ITGA3: variants seen among roughly 807,000 people sequenced by gnomAD.
The protein encoded by ITGA3 is integrin alpha-3.
In ITGA3, 70 loss-of-function variants were observed where a neutral mutation model predicts 131.1. That is an observed-to-expected ratio of 0.53 (90% CI 0.44 to 0.65). The LOEUF (loss-of-function observed/expected upper bound fraction) is 0.65. Among genes scored for constraint, ITGA3 ranks in the 30% least tolerant of loss-of-function variants. The pLI is 0.00. For missense variants in ITGA3, 1,098 were observed against 1,388.6 expected (o/e 0.79, Z 3.33); for synonymous variants, 537 against 571.6 (o/e 0.94, Z 0.86).
Position 50,074,290 on chromosome 17 carries a change from G to A in ITGA3, c.1382+10G>A. ...ACATTGTGCTGCTGCGGTGAGCCAG[G>A]AGGCCAGTGAATAAGGGTCTTTCTC... On this transcript the variant is annotated intron_variant, in intron 9 of 25. Transcript: ENST00000320031. 11 of 1,613,770 alleles carry A rather than the reference G, an allele frequency of 6.8e-6. No individual in the cohort carries two copies. The highest frequency in any genetic ancestry group is 9.3e-6 in the Non-Finnish European group (11 of 1,179,798).
At chr17:50,082,250 A>G (rs1259132964) in intron 23 of ITGA3, among the ~76,000 whole-genome samples, 1 of 152,044 alleles carries the variant, frequency 6.6e-6, no homozygotes, top group Non-Finnish European at 1.5e-5. Flanking sequence ...CAGTGGCGTG[A>G]TCACTGCAAG....
intron 1 of ITGA3, among the ~76,000 whole-genome samples, chr17:50,059,031 C>G (rs146140708): frequency 3.9e-4 from 60 of 152,294 alleles, no homozygotes; most frequent in African/African-American, 1.4e-3. Context: ...CATAAGGCCT[C>G]AGAAATGGTT....
At chr17:50,083,463 C>T (rs568771648) in intron 23 of ITGA3, among the ~76,000 whole-genome samples, 1 of 152,130 alleles carries the variant, frequency 6.6e-6, no homozygotes, top group Non-Finnish European at 1.5e-5. Flanking sequence ...GTGGCTCACA[C>T]TTGTAATCCC....
rs545444575 is a variant in ITGA3, at chr17:50,087,736, C to A, written c.2920-8C>A. ...ACACAGGGCTGAGTCCTCCTCTCCC[C>A]GCTCCAGTTCTCTGTGGACATTGAC... On this transcript the variant is annotated splice_region_variant and splice_polypyrimidine_tract_variant and intron_variant, in intron 23 of 25. Transcript: ENST00000320031. 1.9e-6 allele frequency: 3 copies of A among 1,610,972 alleles called. No individual in the cohort carries two copies. Among genetic ancestry groups the A allele is most frequent in the Non-Finnish European group, 2.5e-6 (3 of 1,178,444 alleles).
At chr17:50,076,099 G>C (rs1908877191) in intron 12 of ITGA3, among the ~76,000 whole-genome samples, 1 of 152,064 alleles carries the variant, frequency 6.6e-6, no homozygotes, top group Non-Finnish European at 1.5e-5. Flanking sequence ...CTGTGGATGG[G>C]GAGGTGAAGG....
In ITGA3 at chr17:50,077,268, G is replaced by A. The variant is rs1172093099; in HGVS notation, c.2071-111G>A. On this transcript the variant is annotated intron_variant, in intron 15 of 25. Coordinates refer to ENST00000320031, the MANE Select transcript of ITGA3 (RefSeq NM_002204.4). ...TCTTGGGGGCCTTAGCGTCTCTGCTGCTTGGAGAATCCGGCTCTCAAGCTC... is the reference window on the plus strand; with the variant it reads ...TCTTGGGGGCCTTAGCGTCTCTGCTACTTGGAGAATCCGGCTCTCAAGCTC... 12 of 1,322,436 alleles carry A rather than the reference G, an allele frequency of 9.1e-6. No homozygotes were observed. The Middle Eastern group carries it at 1.7e-3, about 186-fold the overall frequency. The allele number at this position is 1,322,436 out of a possible 1,614,324, so 81.9% of individuals were successfully genotyped here.
chr17:50,076,729 G>T (rs756866359), intron 14 of ITGA3, 48 bp downstream of exon 14: 3 of 1,497,054 alleles, frequency 2.0e-6, no homozygotes, highest in Non-Finnish European at 9.3e-7. Context: ...GTGGGACGGG[G>T]CCTCATTAAC....
rs369544594 is a variant in ITGA3, at chr17:50,078,076, G to A, written c.2170G>A (p.Gly724Arg). The change falls in exon 17 of 26, where the codon GGG becomes AGG. Residue 724 changes from glycine to arginine, a missense_variant. This residue lies in a region of ITGA3 where 699 missense variants were observed against 829.2 expected (regional missense o/e 0.84). Coordinates refer to ENST00000320031, the MANE Select transcript of ITGA3 (RefSeq NM_002204.4). ...MELLIAFEVIGVTLHTRDLQV... is the reference protein window; with the variant it reads ...MELLIAFEVIRVTLHTRDLQV... Reference sequence around the variant, plus strand: ...GCTGCTCATCGCCTTTGAGGTCATCGGGGTGACCCTGCACACAAGGGACCT... The same window carrying A: ...GCTGCTCATCGCCTTTGAGGTCATCAGGGTGACCCTGCACACAAGGGACCT... 85 of 1,613,232 alleles carry A rather than the reference G, an allele frequency of 5.3e-5. No homozygotes were observed. The highest frequency in any genetic ancestry group is 6.7e-5 in the Non-Finnish European group (79 of 1,179,432).
intron 1 of ITGA3, among the ~76,000 whole-genome samples, chr17:50,057,613 G>C (rs562525262): frequency 6.6e-6 from 1 of 152,230 alleles, no homozygotes; most frequent in African/African-American, 2.4e-5. Flanking sequence ...TGTCCAAAGA[G>C]GGACGGTGTT....
chr17:50,062,063 A>G (rs1289065340), intron 1 of ITGA3, among the ~76,000 whole-genome samples: 3 of 152,024 alleles, frequency 2.0e-5, no homozygotes, highest in South Asian at 2.1e-4. Context: ...AAAAGAAAGA[A>G]AAAAAGAAAT....
rs1908900930 is a variant in ITGA3, at chr17:50,076,484, G to A, written c.1824+9G>A. ...TGGAGAACCACACTGAGGTGAGTGGGGCTGGCGCCTGGACTGGAAGACCAG... is the reference window on the plus strand; with the variant it reads ...TGGAGAACCACACTGAGGTGAGTGGAGCTGGCGCCTGGACTGGAAGACCAG... On this transcript the variant is annotated intron_variant, in intron 13 of 25. Coordinates refer to ENST00000320031, the MANE Select transcript of ITGA3 (RefSeq NM_002204.4). 1 of 1,608,000 alleles carries A rather than the reference G, an allele frequency of 6.2e-7. No homozygotes were observed. The highest frequency in any genetic ancestry group is 1.3e-5 in the African/African-American group (1 of 74,936).
rs1298559474 is a variant in ITGA3 at position 50,064,599 on chromosome 17, A to G, written c.406A>G (p.Arg136Gly). The G allele has an allele frequency of 1.2e-6, 2 of 1,612,258 alleles. No homozygotes were observed. The change falls in exon 3 of 26, where the codon AGA (arginine) becomes GGA (glycine). Residue 136 changes from arginine to glycine, a missense_variant. By Grantham distance (125) the Arg-to-Gly change is moderately radical. Coordinates refer to ENST00000320031, the MANE Select transcript of ITGA3 (RefSeq NM_002204.4). This position sits in a 1 kb window ranked among gnomAD's most constrained non-coding sequence, Gnocchi z 4.4. The stretch of plus-strand genomic sequence containing the variant: ...TGTGGCCAGCCAGGGCCCTGCAGGC[A>G]GAGTTCTGGTAAGTGGGTGCTCAGT... ...VTVASQGPAG[R>G]VLVCAHRYTQ...
chr17:50,070,911 C>T lies in ITGA3; in HGVS notation c.732C>T (p.Asp244=). The T allele has an allele frequency of 1.2e-6, 2 of 1,605,796 alleles. No homozygotes were observed. The highest frequency in any genetic ancestry group is 2.2e-5 in the South Asian group (2 of 90,906). ...AGTATAGTTACAAGGACCCAGAGGA[C>T]CAAGGAAACCTCTATATTGGTGAGT... ...LSEYSYKDPE[D]QGNLYIGYTM... The change falls in exon 5 of 26, where the codon GAC becomes GAT. Residue 244 remains aspartate (D), a synonymous_variant. Transcript: ENST00000320031.
Position 50,077,378 on chromosome 17 carries a change from G to GC in ITGA3, c.2073dup (p.Gly692ArgfsTer6). ...TGACCTTATTCGCCTTCTTTCCTCA[G>GC]CCCGGGGCCTGCCAAGCTAATGAGA... On this transcript the variant is annotated frameshift_variant and splice_region_variant. Coordinates refer to ENST00000320031, the MANE Select transcript of ITGA3 (RefSeq NM_002204.4). LOFTEE classifies it high-confidence loss of function. 5 of 1,613,846 alleles carry GC rather than the reference G, an allele frequency of 3.1e-6. No individual in the cohort carries two copies. The highest frequency in any genetic ancestry group is 4.2e-6 in the Non-Finnish European group (5 of 1,179,776).
At position 50,077,385 on chromosome 17, in the gene ITGA3, GCCTGCCAAGCTAATGAGAC is replaced by G; in HGVS notation, c.2079_2097del (p.Cys694SerfsTer26). On this transcript the variant is annotated frameshift_variant, in exon 16 of 26. Transcript: ENST00000320031. LOFTEE classifies it high-confidence loss of function. The stretch of plus-strand genomic sequence containing the variant: ...ATTCGCCTTCTTTCCTCAGCCCGGG[GCCTGCCAAGCTAATGAGAC>G]CATCTTTTGCGAGCTGGGGAACCCC... 1 of 1,613,902 alleles carries G rather than the reference GCCTGCCAAGCTAATGAGAC, an allele frequency of 6.2e-7. No individual in the cohort carries two copies. Among genetic ancestry groups the G allele is most frequent in the Non-Finnish European group, 8.5e-7 (1 of 1,179,846 alleles).
Position 50,070,927 on chromosome 17 carries a change from A to T in ITGA3, c.748A>T (p.Ile250Phe). The part of the protein sequence containing the change: ...KDPEDQGNLY[I>F]GYTMQVGSFI... ...CCCAGAGGACCAAGGAAACCTCTATATTGGTGAGTACAGTAGTGGTAGCCC... is the reference window on the plus strand; with the variant it reads ...CCCAGAGGACCAAGGAAACCTCTATTTTGGTGAGTACAGTAGTGGTAGCCC... Residue 250 changes from isoleucine (I) to phenylalanine (F), a missense_variant, in exon 5 of 26, where the codon ATT becomes TTT. Ile to Phe is a conservative substitution (Grantham distance 21, BLOSUM62 0). Around this residue, in one of 3 missense-constraint regions of ITGA3, gnomAD observed 356 missense variants for 529.2 expected, o/e 0.67. Transcript: ENST00000320031. 6.3e-7 allele frequency: 1 copy of T among 1,580,988 alleles called. No individual in the cohort carries two copies. The highest frequency in any genetic ancestry group is 1.3e-5 in the African/African-American group (1 of 74,292).
chr17:50,082,109 T>A (rs1909213250), intron 23 of ITGA3, among the ~76,000 whole-genome samples: 1 of 152,172 alleles, frequency 6.6e-6, no homozygotes, highest in South Asian at 2.1e-4. Flanking sequence ...CACCTCAGCC[T>A]CCTGAGTAGC....
Position 50,088,300 on chromosome 17 carries a change from C to T in ITGA3, c.3121C>T (p.Pro1041Ser), listed in dbSNP as rs1477961778. ...GCAGAAGGCGGAGATGAAGAGCCAG[C>T]CGTCAGAGACAGAGAGGCTGACCGA... ...KRQKAEMKSQ[P>S]SETERLTDDY Residue 1041 changes from proline to serine, a missense_variant, in exon 25 of 26, where the codon CCG becomes TCG. Transcript: ENST00000320031. The T allele has an allele frequency of 2.5e-6, 4 of 1,588,130 alleles. No homozygotes were observed. The highest frequency in any genetic ancestry group is 1.3e-5 in the African/African-American group (1 of 74,632).
chr17:50,079,530 C>A lies in ITGA3; in HGVS notation c.2679C>A (p.Ala893=). Reference sequence around the variant, plus strand: ...CCCCACCTGTCACTCTGGCTGCTGCCAAAAAAGCCAAGTCTGAGACTGTGC... The same window carrying A: ...CCCCACCTGTCACTCTGGCTGCTGCAAAAAAAGCCAAGTCTGAGACTGTGC... ...QGPPPVTLAA[A]KKAKSETVLT... The change falls in exon 21 of 26, where the codon GCC becomes GCA. Residue 893 remains alanine (A), a synonymous_variant. Transcript: ENST00000320031. The A allele has an allele frequency of 1.3e-6, 2 of 1,557,910 alleles. No homozygotes were observed.
Sources: allele counts gnomAD v4.1 joint callset (sites outside exome capture counted in the v4.1 genomes callset), GRCh38; gene constraint gnomAD v4.1.1; regional missense constraint gnomAD v4.1.1; non-coding constraint Gnocchi (gnomAD v3.1); transcripts MANE v1.5; gene names NCBI Gene and HGNC (gene_info 2026-07-23, HGNC 2026-07-21).